MGAM: variants seen among roughly 807,000 people sequenced by gnomAD.
MGAM encodes maltase-glucoamylase, also known as alpha-1,4-glucosidase.
In MGAM, 253 loss-of-function variants were observed where a neutral mutation model predicts 358.8. The observed-to-expected ratio is 0.71, with a 90% CI of 0.64 to 0.78. The LOEUF is 0.78. MGAM is among the 30% of genes least tolerant of loss of function. MGAM has a pLI of 0.00. For synonymous variants in MGAM, 1,105 were observed against 1,227.1 expected, an observed-to-expected ratio of 0.90 and a Z score of 2.08; for missense variants, 3,080 against 3,432.6, an observed-to-expected ratio of 0.90 and a Z score of 2.57.
At chr7:142,031,056 C>T (rs73542744) in intron 12 of MGAM, among the ~76,000 whole-genome samples, 1 of 152,050 alleles carries the variant, frequency 6.6e-6, no homozygotes, top group African/African-American at 2.4e-5. Flanking sequence ...TTCCTTCCCC[C>T]CTCACTTCCC....
chr7:142,045,000 AAT>A (rs1257438159), intron 21 of MGAM, among the ~76,000 whole-genome samples: 1 of 106,990 alleles, frequency 9.3e-6, no homozygotes, highest in African/African-American at 3.4e-5. Flanking sequence ...ATACACGTGT[AAT>A]ATATGATATA....
In MGAM at chr7:142,044,187, CATATAAT is replaced by C. The variant is rs1472480488; in HGVS notation, c.2498+3354_2498+3360del. ...ATATATACATTATATACACATACGA[CATATAAT>C]ATATAATATATACATTATATACACA... On this transcript the variant is annotated intron_variant, in intron 21 of 70. Transcript: ENST00000475668. Among the ~76,000 whole-genome samples, 507 of 67,258 alleles carry C rather than the reference CATATAAT, an allele frequency of 7.5e-3. 85 individuals are homozygous for C. The highest frequency in any genetic ancestry group is 0.065 in the Middle Eastern group (3 of 46). The allele number at this position is 67,258 out of a possible 152,430, so 44.1% of individuals were successfully genotyped here.
chr7:141,994,713 TG>T (rs1402763669), upstream of MGAM, among the ~76,000 whole-genome samples: 1 of 152,206 alleles, frequency 6.6e-6, no homozygotes, highest in Non-Finnish European at 1.5e-5. Context: ...CCCCCTATGC[TG>T]TTCTCATGAT....
chr7:142,081,978 T>G, intron 50 of MGAM, 64 bp from the exon 51 acceptor site: 1 of 1,468,870 alleles, frequency 6.8e-7, no homozygotes, highest in Non-Finnish European at 9.5e-7. Context: ...CCTTGAAAAG[T>G]CAGCTGCTGG....
intron 21 of MGAM, among the ~76,000 whole-genome samples, chr7:142,041,902 ATATTATATATATACGTAT>A: frequency 2.3e-5 from 1 of 43,366 alleles, no homozygotes; most frequent in South Asian, 5.7e-4. Context: ...TATAATATAT[ATATTATATATATACGTAT>A]AATATATAAT....
Position 142,034,733 on chromosome 7 carries a change from C to T in MGAM, c.1851C>T (p.Gly617=). 6.2e-7 allele frequency: 1 copy of T among 1,613,630 alleles called. No individual in the cohort carries two copies. The highest frequency in any genetic ancestry group is 8.5e-7 in the Non-Finnish European group (1 of 1,179,664). ...SFILTRSTFA[G]SGKFAAHWLG... ...TTCTGACCCGTTCTACCTTTGCGGG[C>T]TCTGGCAAGTTTGCAGCACATTGGT... Residue 617 remains glycine (G), a synonymous_variant, in exon 16 of 71, where the codon GGC becomes GGT. Transcript: ENST00000475668.
At chr7:142,049,078 T>A (rs1810688533) in intron 22 of MGAM, among the ~76,000 whole-genome samples, 1 of 152,172 alleles carries the variant, frequency 6.6e-6, no homozygotes, top group Admixed American at 6.5e-5. Context: ...CTCAACTTTT[T>A]TAGGTTTCAC....
chr7:142,045,886 A>T (rs1320484823), intron 21 of MGAM, among the ~76,000 whole-genome samples: 2 of 113,440 alleles, frequency 1.8e-5, no homozygotes, highest in Admixed American at 1.1e-4. Flanking sequence ...TATGTAATAT[A>T]TATATTATGT....
chr7:142,042,430 T>C lies in MGAM; in HGVS notation c.2498+1584T>C, dbSNP rs1467202245. On this transcript the variant is annotated intron_variant, in intron 21 of 70. Coordinates refer to ENST00000475668, the MANE Select transcript of MGAM (RefSeq NM_001365693.1). ...TAACATATATTATATATACATATAA[T>C]ATATAACATATAATATATAATATAA... Among the ~76,000 whole-genome samples, 13 of 11,898 alleles carry C rather than the reference T, an allele frequency of 1.1e-3. 1 individual carries two copies. Among genetic ancestry groups the C allele is most frequent in the East Asian group, 5.6e-3 (2 of 354 alleles). 7.8% of individuals were successfully genotyped at this position (11,898 alleles called of 152,430 possible). A position where few individuals can be genotyped will look rare whatever the true frequency, so the allele number is the denominator to read the frequency against.
rs181422456 is a variant in MGAM, at chr7:142,056,837, G to A, written c.3588G>A (p.Thr1196=). 2.1e-5 allele frequency: 34 copies of A among 1,613,644 alleles called. No individual in the cohort carries two copies. Among genetic ancestry groups the A allele is most frequent in the Middle Eastern group, 3.3e-4 (2 of 6,052 alleles). Residue 1196 remains threonine, a synonymous_variant, in exon 30 of 71, where the codon ACG becomes ACA. Transcript: ENST00000475668. ...ATTTTTCTTTATTTTCAGATGTGAC[G>A]TTCCAGCCCCTGCCTGCCTTGACAT... ...LLLNSNAMDV[T]FQPLPALTYR...
intron 20 of MGAM, 162 bp from the exon 21 acceptor site, chr7:142,040,560 T>C: frequency 1.1e-6 from 1 of 910,718 alleles, no homozygotes; most frequent in African/African-American, 1.7e-5. Context: ...TAGCAGAACA[T>C]GTTATTCTTG....
intron 24 of MGAM, among the ~76,000 whole-genome samples, chr7:142,052,076 A>T (rs2960744): frequency 0.37 from 56,579 of 151,998 alleles, 11,001 homozygotes; most frequent in Admixed American, 0.42. Flanking sequence ...CATTATGCTA[A>T]GTACAAGATT....
At chr7:142,051,409 T>G (rs1224147683) in intron 24 of MGAM, among the ~76,000 whole-genome samples, 1 of 152,048 alleles carries the variant, frequency 6.6e-6, no homozygotes, top group East Asian at 1.9e-4. Flanking sequence ...ACAAGATGGT[T>G]TAGATTGGGA....
intron 57 of MGAM, among the ~76,000 whole-genome samples, chr7:142,087,135 A>G (rs116613261): frequency 7.0e-6 from 1 of 142,878 alleles, no homozygotes; most frequent in African/African-American, 2.5e-5. Flanking sequence ...AACCTCAAAG[A>G]CTGTTTAGGT....
In MGAM at chr7:142,065,831, G is replaced by T. The variant is rs561932269; in HGVS notation, c.4770G>T (p.Arg1590Ser). Residue 1590 changes from arginine to serine, a missense_variant and splice_region_variant, in exon 40 of 71, where the codon AGG becomes AGT. Arg to Ser is a moderately radical substitution (Grantham distance 110). Coordinates refer to ENST00000475668, the MANE Select transcript of MGAM (RefSeq NM_001365693.1). ...FSRNHNTIGT[R>S]RQDPVSWDAA... is the part of the protein sequence containing the mutation. ...GAAACCACAATACCATTGGGACCAG[G>T]GTAGGACAGTGGCTTCTACCTCCAC... The T allele has an allele frequency of 6.5e-7, 1 of 1,548,846 alleles. No homozygotes were observed. Among genetic ancestry groups the T allele is most frequent in the South Asian group, 1.1e-5 (1 of 88,660 alleles).
intron 1 of MGAM, among the ~76,000 whole-genome samples, chr7:142,001,348 A>G (rs1358593611): frequency 1.3e-5 from 2 of 152,214 alleles, no homozygotes; most frequent in Non-Finnish European, 2.9e-5. Context: ...TTATTCAACC[A>G]ATCCTTGGAT....
Position 142,079,037 on chromosome 7 carries a change from A to G in MGAM, c.5847+29A>G. On this transcript the variant is annotated intron_variant, in intron 49 of 70. Transcript: ENST00000475668. The stretch of plus-strand genomic sequence containing the variant: ...AACACGGTACATATATCAGGCAGTG[A>G]TAAGACCCTTTTCAGTTCCATTATC... 2.0e-6 allele frequency: 3 copies of G among 1,504,702 alleles called. 1 individual carries two copies. The highest frequency in any genetic ancestry group is 2.8e-6 in the Non-Finnish European group (3 of 1,090,212). 93.2% of individuals were successfully genotyped at this position (1,504,702 alleles called of 1,614,324 possible). A position where few individuals can be genotyped will look rare whatever the true frequency, so the allele number is the denominator to read the frequency against.
chr7:142,095,455 CT>C, intron 63 of MGAM, 109 bp from the exon 64 acceptor site: 1 of 1,490,272 alleles, frequency 6.7e-7, no homozygotes. Context: ...GTGTAGTTTT[CT>C]TTTGTTTAGC....
chr7:142,093,242 G>A lies in MGAM; in HGVS notation c.7034-170G>A, dbSNP rs976413817. ...ACTTGATGTTGGAAACACTGGAGCC[G>A]CCGTTGCAGCTCAGAGCTGGGGGCG... On this transcript the variant is annotated intron_variant, in intron 59 of 70. Coordinates refer to ENST00000475668, the MANE Select transcript of MGAM (RefSeq NM_001365693.1). Among the ~76,000 whole-genome samples the A allele has an allele frequency of 2.7e-5, 4 of 146,430 alleles. 1 individual carries two copies. The highest frequency in any genetic ancestry group is 4.9e-5 in the African/African-American group (2 of 41,148).
Sources: gnomAD v4.1 joint callset for allele counts (sites outside exome capture counted in the v4.1 genomes callset) on GRCh38, gnomAD v4.1.1 for gene constraint, MANE v1.5 for transcripts, NCBI Gene and HGNC (gene_info 2026-07-23, HGNC 2026-07-21) for gene names.